The following MOB3B variants were observed in gnomAD, a reference collection of about 807,000 sequenced individuals.
The protein encoded by MOB3B is MOB kinase activator-like 2B.
A neutral mutation model predicts 18.7 loss-of-function variants in MOB3B; 7 were observed. That is an observed-to-expected ratio of 0.37 (90% CI 0.21 to 0.70). The LOEUF (loss-of-function observed/expected upper bound fraction) is 0.70, where lower values mean the gene tolerates loss of function less well. Among genes scored for constraint, MOB3B ranks in the 30% least tolerant of loss-of-function variants. The pLI is 0.52. For missense variants in MOB3B, 253 were observed against 281.3 expected, an observed-to-expected ratio of 0.90 and a Z score of 0.72; for synonymous variants, 111 against 99.9, an observed-to-expected ratio of 1.11 and a Z score of -0.66.
chr9:27,454,993 T>G, intron 2 of MOB3B, 140 bp downstream of exon 2: 1 of 877,252 alleles, frequency 1.1e-6, no homozygotes, highest in East Asian at 2.5e-5. Flanking sequence ...TCAATGAGGC[T>G]CTTATATATC....
In MOB3B at chr9:27,477,280, C is replaced by T. The variant is rs529748829; in HGVS notation, c.-198-21532G>A. 5.2e-4 allele frequency among the ~76,000 whole-genome samples: 79 copies of T among 152,254 alleles called. 1 individual carries two copies. The highest frequency in any genetic ancestry group is 8.5e-4 in the Non-Finnish European group (58 of 68,020). ...TTGGCGTAATGCTTCTTGGAGAAAA[C>T]GGACTCACACCCCAGATACCAGCAT... On this transcript the variant is annotated intron_variant, in intron 1 of 3. Coordinates refer to ENST00000262244, the MANE Select transcript of MOB3B (RefSeq NM_024761.5).
At chr9:27,401,916 C>T (rs1276190383) in intron 2 of MOB3B, among the ~76,000 whole-genome samples, 3 of 152,146 alleles carry the variant, frequency 2.0e-5, no homozygotes, top group African/African-American at 7.2e-5. Context: ...GTATTATGCT[C>T]TACTAGTTTT....
At chr9:27,357,174 C>A (rs1192211824) in intron 3 of MOB3B, among the ~76,000 whole-genome samples, 3 of 95,004 alleles carry the variant, frequency 3.2e-5, no homozygotes, top group African/African-American at 1.0e-4. Flanking sequence ...TATATTCTCA[C>A]AGCAGAATAA....
Position 27,326,879 on chromosome 9 carries a change from C to T in MOB3B, c.*3708G>A, listed in dbSNP as rs1820719767. The T allele has an allele frequency of 7.6e-6, 2 of 263,836 alleles. No homozygotes were observed. The highest frequency in any genetic ancestry group is 1.1e-3 in the Middle Eastern group (1 of 912). The allele number at this position is 263,836 out of a possible 1,614,324, so 16.3% of individuals were successfully genotyped here. A position where few individuals can be genotyped will look rare whatever the true frequency, so the allele number is the denominator to read the frequency against. ...TGTATCTGTTTATGTACTTGTGATC[C>T]TTTGGAGGGTCACAACTCACTGTAC... On this transcript the variant is annotated 3_prime_UTR_variant, in exon 4 of 4. Coordinates refer to ENST00000262244, the MANE Select transcript of MOB3B (RefSeq NM_024761.5).
chr9:27,447,631 T>G (rs1164486309), intron 2 of MOB3B, among the ~76,000 whole-genome samples: 1 of 152,220 alleles, frequency 6.6e-6, no homozygotes, highest in African/African-American at 2.4e-5. Flanking sequence ...AAGGGCCTCC[T>G]GCCTTTACTC....
At chr9:27,489,998 CCA>C (rs1400640186) in intron 1 of MOB3B, among the ~76,000 whole-genome samples, 1 of 151,986 alleles carries the variant, frequency 6.6e-6, no homozygotes, top group Non-Finnish European at 1.5e-5. Flanking sequence ...TTCAAAAGAG[CCA>C]ATGTGCCTCT....
intron 2 of MOB3B, among the ~76,000 whole-genome samples, chr9:27,388,363 C>A (rs1034974787): frequency 2.6e-5 from 4 of 152,150 alleles, no homozygotes; most frequent in African/African-American, 9.7e-5. Flanking sequence ...CCCCAAGCAC[C>A]CATACAGCTT....
chr9:27,361,880 C>T (rs916680923), intron 2 of MOB3B, among the ~76,000 whole-genome samples: 3 of 152,216 alleles, frequency 2.0e-5, no homozygotes, highest in African/African-American at 7.2e-5. Context: ...TCCCACTTCT[C>T]CTCCCCTGGT....
intron 2 of MOB3B, among the ~76,000 whole-genome samples, chr9:27,445,209 A>T (rs922987861): frequency 9.2e-5 from 14 of 152,232 alleles, no homozygotes; most frequent in Non-Finnish European, 1.9e-4. Flanking sequence ...TTAATTCTCT[A>T]CCAGGAACAT....
At chr9:27,378,809 C>T in intron 2 of MOB3B, 1 of 384,500 alleles carries the variant, frequency 2.6e-6, no homozygotes, top group Non-Finnish European at 5.3e-6. Flanking sequence ...GGATAGGGCT[C>T]AAATATTTGA....
chr9:27,496,511 C>T (rs1461395366), intron 1 of MOB3B, among the ~76,000 whole-genome samples: 1 of 152,162 alleles, frequency 6.6e-6, no homozygotes, highest in African/African-American at 2.4e-5. Context: ...TAAACTTCTC[C>T]AGGTACATGT....
chr9:27,514,013 C>T (rs570800593), intron 1 of MOB3B, among the ~76,000 whole-genome samples: 14 of 152,006 alleles, frequency 9.2e-5, no homozygotes, highest in Non-Finnish European at 1.8e-4. Context: ...CATGAGAAAC[C>T]GTATTATCAC....
intron 1 of MOB3B, among the ~76,000 whole-genome samples, chr9:27,468,352 T>C (rs187407557): frequency 1.3e-5 from 2 of 152,178 alleles, no homozygotes; most frequent in African/African-American, 4.8e-5. Context: ...TCTGGGAACA[T>C]GATTATCAGA....
chr9:27,437,112 G>A (rs1822516132), intron 2 of MOB3B, among the ~76,000 whole-genome samples: 2 of 152,142 alleles, frequency 1.3e-5, no homozygotes, highest in African/African-American at 4.8e-5. Context: ...AAAGTAGCCA[G>A]GGGCCTCCTC....
intron 1 of MOB3B, among the ~76,000 whole-genome samples, chr9:27,502,282 C>T (rs1373815544): frequency 6.6e-6 from 1 of 152,204 alleles, no homozygotes. Flanking sequence ...TCTAGGTCTC[C>T]CACACAATAT....
chr9:27,357,800 C>T (rs1360159289), intron 3 of MOB3B, among the ~76,000 whole-genome samples: 1 of 148,692 alleles, frequency 6.7e-6, no homozygotes, highest in Non-Finnish European at 1.5e-5. Context: ...ACCTGTAATC[C>T]CAGCACTTTG....
chr9:27,514,700 T>G (rs1344567840), intron 1 of MOB3B, among the ~76,000 whole-genome samples: 2 of 152,222 alleles, frequency 1.3e-5, no homozygotes, highest in Non-Finnish European at 2.9e-5. Context: ...TTCCCCATTT[T>G]GGGCCATGAT....
chr9:27,491,524 T>C lies in MOB3B; in HGVS notation c.-198-35776A>G, dbSNP rs189552568. 3.9e-5 allele frequency among the ~76,000 whole-genome samples: 6 copies of C among 152,296 alleles called. No individual in the cohort carries two copies. The East Asian group carries it at 1.2e-3, about 29-fold the overall frequency. On this transcript the variant is annotated intron_variant, in intron 1 of 3. Coordinates refer to ENST00000262244, the MANE Select transcript of MOB3B (RefSeq NM_024761.5). ...TTTTCAGAGATTAAAAAAAGACATA[T>C]ATCTGTATCAACCATTCTTTTTCCA...
chr9:27,461,458 A>G (rs1819286391), intron 1 of MOB3B, among the ~76,000 whole-genome samples: 1 of 152,168 alleles, frequency 6.6e-6, no homozygotes, highest in Non-Finnish European at 1.5e-5. Flanking sequence ...CTCAACTTTG[A>G]GCTGTCATAT....
Sources: allele counts gnomAD v4.1 joint callset (sites outside exome capture counted in the v4.1 genomes callset), GRCh38; gene constraint gnomAD v4.1.1; transcripts MANE v1.5; gene names NCBI Gene and HGNC (gene_info 2026-07-23, HGNC 2026-07-21).